Variants in G0S2 observed in about 807,000 individuals in gnomAD.
G0S2 encodes G0/G1 switch protein 2.
For missense variants in G0S2, 139 were observed against 139.1 expected, an observed-to-expected ratio of 1.00 and a Z score of 0.00; for synonymous variants, 64 against 66.0, an observed-to-expected ratio of 0.97 and a Z score of 0.15.
rs1464048147 is a variant in G0S2 at position 209,676,040 on chromosome 1, A to G, written c.*44A>G. The G allele has an allele frequency of 7.2e-7, 1 of 1,390,684 alleles. No homozygotes were observed. The allele number at this position is 1,390,684 out of a possible 1,614,324, so 86.1% of individuals were successfully genotyped here. On this transcript the variant is annotated 3_prime_UTR_variant, in exon 2 of 2. Transcript: ENST00000367029. ...GGAGTGGGAGGGAGACGCAGTAGAC[A>G]GAGACAGACCGAGAGAGGAATGGAG...
Position 209,675,813 on chromosome 1 carries a change from G to A in G0S2, c.129G>A (p.Met43Ile). ...TCTTCGGCGTGGTGCTCGGCCTGAT[G>A]GAGACTGTGTGCAGCCCCTTCACGG... ...LALFGVVLGLMETVCSPFTAA... is the reference protein window; with the variant it reads ...LALFGVVLGLIETVCSPFTAA... The change falls in exon 2 of 2, where the codon ATG becomes ATA. Residue 43 changes from methionine to isoleucine, a missense_variant. Transcript: ENST00000367029. The surrounding 1 kb of genome is among the most constrained non-coding windows in gnomAD (Gnocchi z 5.4). 1 of 1,602,186 alleles carries A rather than the reference G, an allele frequency of 6.2e-7. No individual in the cohort carries two copies. Among genetic ancestry groups the A allele is most frequent in the Non-Finnish European group, 8.5e-7 (1 of 1,174,556 alleles).
Position 209,676,077 on chromosome 1 carries a change from GC to G in G0S2, c.*82del. 1.8e-6 allele frequency: 2 copies of G among 1,127,274 alleles called. No individual in the cohort carries two copies. Among genetic ancestry groups the G allele is most frequent in the Admixed American group, 5.7e-5 (2 of 35,168 alleles). The allele number at this position is 1,127,274 out of a possible 1,614,324, so 69.8% of individuals were successfully genotyped here. A position where few individuals can be genotyped will look rare whatever the true frequency, so the allele number is the denominator to read the frequency against. On this transcript the variant is annotated 3_prime_UTR_variant, in exon 2 of 2. Transcript: ENST00000367029. Reference sequence around the variant, plus strand: ...AGAGAGGAATGGAGAGACAGAGGGGGCGCGCGCACAGGAGCCTGACTCCGCT... The same window carrying G: ...AGAGAGGAATGGAGAGACAGAGGGGGGCGCGCACAGGAGCCTGACTCCGCT...
chr1:209,675,793 G>T lies in G0S2; in HGVS notation c.109G>T (p.Gly37Cys), dbSNP rs745397091. 3.7e-6 allele frequency: 6 copies of T among 1,602,408 alleles called. No homozygotes were observed. In the South Asian group the frequency reaches 5.6e-5, roughly 15 times the overall value. Residue 37 changes from glycine to cysteine, a missense_variant, in exon 2 of 2, where the codon GGC (glycine) becomes TGC (cysteine). Coordinates refer to ENST00000367029, the MANE Select transcript of G0S2 (RefSeq NM_015714.4). This position sits in a 1 kb window ranked among gnomAD's most constrained non-coding sequence, Gnocchi z 5.4. Reference protein sequence around the residue: ...YVLGSVLALFGVVLGLMETVC... With the variant: ...YVLGSVLALFCVVLGLMETVC... ...GCTGGGCAGCGTGCTGGCCCTCTTC[G>T]GCGTGGTGCTCGGCCTGATGGAGAC...
rs1008779613 is a variant in G0S2, at chr1:209,675,502, C to T, written c.-80C>T. 24 of 588,564 alleles carry T rather than the reference C, an allele frequency of 4.1e-5. No individual in the cohort carries two copies. In the East Asian group the frequency reaches 6.0e-4, roughly 15 times the overall value. 36.5% of individuals were successfully genotyped at this position (588,564 alleles called of 1,614,324 possible). Reference sequence around the variant, plus strand: ...GTCGGACCAACGGACGCGCTGACCGCTGCCAACTGCAGCTCGCGCTGCCTC... The same window carrying T: ...GTCGGACCAACGGACGCGCTGACCGTTGCCAACTGCAGCTCGCGCTGCCTC... On this transcript the variant is annotated 5_prime_UTR_variant, in exon 1 of 2. Coordinates refer to ENST00000367029, the MANE Select transcript of G0S2 (RefSeq NM_015714.4). This position sits in a 1 kb window ranked among gnomAD's most constrained non-coding sequence, Gnocchi z 5.4.
Position 209,675,530 on chromosome 1 carries a change from G to A in G0S2, c.-52G>A, listed in dbSNP as rs1322840941. 8.2e-6 allele frequency: 5 copies of A among 610,812 alleles called. No individual in the cohort carries two copies. Among genetic ancestry groups the A allele is most frequent in the Non-Finnish European group, 1.5e-5 (5 of 343,216 alleles). The allele number at this position is 610,812 out of a possible 1,614,324, so 37.8% of individuals were successfully genotyped here. On this transcript the variant is annotated 5_prime_UTR_variant, in exon 1 of 2. Coordinates refer to ENST00000367029, the MANE Select transcript of G0S2 (RefSeq NM_015714.4). This position sits in a 1 kb window ranked among gnomAD's most constrained non-coding sequence, Gnocchi z 5.4. ...CCAACTGCAGCTCGCGCTGCCTCCT[G>A]CTCGCGCCGTGCCACTAAGGTAGTC...
In G0S2 at chr1:209,675,617, G is replaced by A; in HGVS notation, c.-32-36G>A. 1 of 1,073,010 alleles carries A rather than the reference G, an allele frequency of 9.3e-7. No homozygotes were observed. The highest frequency in any genetic ancestry group is 1.4e-6 in the Non-Finnish European group (1 of 720,878). The allele number at this position is 1,073,010 out of a possible 1,614,324, so 66.5% of individuals were successfully genotyped here. ...GCGGGGTGGTGGGAGCCGTTCTTTG[G>A]TGGCTGAAGCCCCTCTCCTGCTGCT... On this transcript the variant is annotated intron_variant, in intron 1 of 1. Coordinates refer to ENST00000367029, the MANE Select transcript of G0S2 (RefSeq NM_015714.4). This position sits in a 1 kb window ranked among gnomAD's most constrained non-coding sequence, Gnocchi z 5.4.
chr1:209,675,554 T>C lies in G0S2; in HGVS notation c.-33+5T>C, dbSNP rs914035849. The stretch of plus-strand genomic sequence containing the variant: ...TGCTCGCGCCGTGCCACTAAGGTAG[T>C]CCGCCTTTCTATGAGCCCTCCCCAA... On this transcript the variant is annotated splice_donor_5th_base_variant and intron_variant, in intron 1 of 1. Transcript: ENST00000367029. This position sits in a 1 kb window ranked among gnomAD's most constrained non-coding sequence, Gnocchi z 5.4. 1.8e-5 allele frequency: 12 copies of C among 660,992 alleles called. No homozygotes were observed. The highest frequency in any genetic ancestry group is 3.2e-5 in the Non-Finnish European group (12 of 379,196). The allele number at this position is 660,992 out of a possible 1,614,324, so 40.9% of individuals were successfully genotyped here.
Position 209,675,815 on chromosome 1 carries a change from A to T in G0S2, c.131A>T (p.Glu44Val). ...TTCGGCGTGGTGCTCGGCCTGATGGAGACTGTGTGCAGCCCCTTCACGGCC... is the reference window on the plus strand; with the variant it reads ...TTCGGCGTGGTGCTCGGCCTGATGGTGACTGTGTGCAGCCCCTTCACGGCC... The part of the protein sequence containing the change: ...ALFGVVLGLM[E>V]TVCSPFTAAR... Residue 44 changes from glutamate to valine, a missense_variant, in exon 2 of 2, where the codon GAG (glutamate) becomes GTG (valine). Physicochemically the swap from Glu to Val is moderately radical, Grantham distance 121. Transcript: ENST00000367029. The surrounding 1 kb of genome is among the most constrained non-coding windows in gnomAD (Gnocchi z 5.4). 1 of 1,601,940 alleles carries T rather than the reference A, an allele frequency of 6.2e-7. No individual in the cohort carries two copies. The highest frequency in any genetic ancestry group is 1.1e-5 in the South Asian group (1 of 89,200).
At position 209,675,576 on chromosome 1, in the gene G0S2, C is replaced by A; in HGVS notation, c.-33+27C>A. ...TAGTCCGCCTTTCTATGAGCCCTCC[C>A]CAAGATTAGCTGGGTGCGGGGTGGT... On this transcript the variant is annotated intron_variant, in intron 1 of 1. Transcript: ENST00000367029. The surrounding 1 kb of genome is among the most constrained non-coding windows in gnomAD (Gnocchi z 5.4). 1 of 740,112 alleles carries A rather than the reference C, an allele frequency of 1.4e-6. No individual in the cohort carries two copies. Among genetic ancestry groups the A allele is most frequent in the Non-Finnish European group, 2.3e-6 (1 of 442,456 alleles). 45.8% of individuals were successfully genotyped at this position (740,112 alleles called of 1,614,324 possible). A position where few individuals can be genotyped will look rare whatever the true frequency, so the allele number is the denominator to read the frequency against.
rs1026309743 is a variant in G0S2, at chr1:209,675,616, G to A, written c.-32-37G>A. On this transcript the variant is annotated intron_variant, in intron 1 of 1. Coordinates refer to ENST00000367029, the MANE Select transcript of G0S2 (RefSeq NM_015714.4). The surrounding 1 kb of genome is among the most constrained non-coding windows in gnomAD (Gnocchi z 5.4). ...TGCGGGGTGGTGGGAGCCGTTCTTT[G>A]GTGGCTGAAGCCCCTCTCCTGCTGC... is the stretch of plus-strand genomic sequence containing the variant. 5 of 1,046,942 alleles carry A rather than the reference G, an allele frequency of 4.8e-6. No homozygotes were observed. The highest frequency in any genetic ancestry group is 7.2e-6 in the Non-Finnish European group (5 of 697,490). The allele number at this position is 1,046,942 out of a possible 1,614,324, so 64.9% of individuals were successfully genotyped here. A position where few individuals can be genotyped will look rare whatever the true frequency, so the allele number is the denominator to read the frequency against.
Position 209,675,714 on chromosome 1 carries a change from G to C in G0S2, c.30G>C (p.Leu10=). Residue 10 remains leucine, a synonymous_variant, in exon 2 of 2, where the codon CTG becomes CTC. Coordinates refer to ENST00000367029, the MANE Select transcript of G0S2 (RefSeq NM_015714.4). This position sits in a 1 kb window ranked among gnomAD's most constrained non-coding sequence, Gnocchi z 5.4. The stretch of plus-strand genomic sequence containing the variant: ...AAACGGTCCAGGAGCTGATCCCCCT[G>C]GCCAAGGAGATGATGGCCCAGAAGC... The part of the protein sequence containing the change: METVQELIP[L]AKEMMAQKRK... 6.2e-7 allele frequency: 1 copy of C among 1,600,328 alleles called. No homozygotes were observed. Among genetic ancestry groups the C allele is most frequent in the Non-Finnish European group, 8.5e-7 (1 of 1,172,844 alleles).
At position 209,675,784 on chromosome 1, in the gene G0S2, G is replaced by A. The variant is rs900396776; in HGVS notation, c.100G>A (p.Ala34Thr). The stretch of plus-strand genomic sequence containing the variant: ...GCTGTACGTGCTGGGCAGCGTGCTG[G>A]CCCTCTTCGGCGTGGTGCTCGGCCT... ...VKLYVLGSVL[A>T]LFGVVLGLME... The change falls in exon 2 of 2, where the codon GCC becomes ACC. Residue 34 changes from alanine (A) to threonine (T), a missense_variant. Physicochemically the swap from Ala to Thr is moderately conservative, Grantham distance 58. Transcript: ENST00000367029. This position sits in a 1 kb window ranked among gnomAD's most constrained non-coding sequence, Gnocchi z 5.4. 2 of 1,602,380 alleles carry A rather than the reference G, an allele frequency of 1.2e-6. No homozygotes were observed. The highest frequency in any genetic ancestry group is 1.7e-5 in the Admixed American group (1 of 58,136).
Position 209,676,194 on chromosome 1 carries a change from C to A in G0S2, c.*198C>A. On this transcript the variant is annotated 3_prime_UTR_variant, in exon 2 of 2. Transcript: ENST00000367029. Reference sequence around the variant, plus strand: ...AGAACTGACCTACCACAAGCATCCACCAAAGGAGTTTGGGATTGAGTTTTG... The same window carrying A: ...AGAACTGACCTACCACAAGCATCCAACAAAGGAGTTTGGGATTGAGTTTTG... 1 of 515,396 alleles carries A rather than the reference C, an allele frequency of 1.9e-6. No homozygotes were observed. The highest frequency in any genetic ancestry group is 3.5e-6 in the Non-Finnish European group (1 of 285,120). The allele number at this position is 515,396 out of a possible 1,614,324, so 31.9% of individuals were successfully genotyped here. A position where few individuals can be genotyped will look rare whatever the true frequency, so the allele number is the denominator to read the frequency against.
Position 209,676,194 on chromosome 1 carries a change from C to T in G0S2, c.*198C>T, listed in dbSNP as rs1305472506. 3.9e-6 allele frequency: 2 copies of T among 515,278 alleles called. No individual in the cohort carries two copies. Among genetic ancestry groups the T allele is most frequent in the Non-Finnish European group, 7.0e-6 (2 of 285,128 alleles). 31.9% of individuals were successfully genotyped at this position (515,278 alleles called of 1,614,324 possible). A position where few individuals can be genotyped will look rare whatever the true frequency, so the allele number is the denominator to read the frequency against. The stretch of plus-strand genomic sequence containing the variant: ...AGAACTGACCTACCACAAGCATCCA[C>T]CAAAGGAGTTTGGGATTGAGTTTTG... On this transcript the variant is annotated 3_prime_UTR_variant, in exon 2 of 2. Coordinates refer to ENST00000367029, the MANE Select transcript of G0S2 (RefSeq NM_015714.4).
Position 209,676,158 on chromosome 1 carries a change from C to A in G0S2, c.*162C>A. ...TATTTGGACTTAACTTCAGAGAAACCGCTGACATCTAGAACTGACCTACCA... is the reference window on the plus strand; with the variant it reads ...TATTTGGACTTAACTTCAGAGAAACAGCTGACATCTAGAACTGACCTACCA... On this transcript the variant is annotated 3_prime_UTR_variant, in exon 2 of 2. Coordinates refer to ENST00000367029, the MANE Select transcript of G0S2 (RefSeq NM_015714.4). 1.7e-6 allele frequency: 1 copy of A among 588,818 alleles called. No homozygotes were observed. The highest frequency in any genetic ancestry group is 3.0e-6 in the Non-Finnish European group (1 of 332,702). The allele number at this position is 588,818 out of a possible 1,614,324, so 36.5% of individuals were successfully genotyped here. A position where few individuals can be genotyped will look rare whatever the true frequency, so the allele number is the denominator to read the frequency against.
rs1571855394 is a variant in G0S2 at position 209,675,500 on chromosome 1, C to T, written c.-82C>T. ...CGGTCGGACCAACGGACGCGCTGACCGCTGCCAACTGCAGCTCGCGCTGCC... is the reference window on the plus strand; with the variant it reads ...CGGTCGGACCAACGGACGCGCTGACTGCTGCCAACTGCAGCTCGCGCTGCC... On this transcript the variant is annotated 5_prime_UTR_variant, in exon 1 of 2. Transcript: ENST00000367029. The surrounding 1 kb of genome is among the most constrained non-coding windows in gnomAD (Gnocchi z 5.4). The T allele has an allele frequency of 1.4e-5, 8 of 587,056 alleles. No individual in the cohort carries two copies. The highest frequency in any genetic ancestry group is 6.3e-5 in the Admixed American group (2 of 31,590). 36.4% of individuals were successfully genotyped at this position (587,056 alleles called of 1,614,324 possible).
chr1:209,676,014 C>A lies in G0S2; in HGVS notation c.*18C>A, dbSNP rs1442442168. The A allele has an allele frequency of 6.6e-7, 1 of 1,507,584 alleles. No homozygotes were observed. The allele number at this position is 1,507,584 out of a possible 1,614,324, so 93.4% of individuals were successfully genotyped here. The stretch of plus-strand genomic sequence containing the variant: ...CCTCCTAGGAACTGTGGGAGACCAG[C>A]GGAGTGGGAGGGAGACGCAGTAGAC... On this transcript the variant is annotated 3_prime_UTR_variant, in exon 2 of 2. Transcript: ENST00000367029.
chr1:209,676,059 A>G lies in G0S2; in HGVS notation c.*63A>G. Reference sequence around the variant, plus strand: ...GTAGACAGAGACAGACCGAGAGAGGAATGGAGAGACAGAGGGGGCGCGCGC... The same window carrying G: ...GTAGACAGAGACAGACCGAGAGAGGGATGGAGAGACAGAGGGGGCGCGCGC... On this transcript the variant is annotated 3_prime_UTR_variant, in exon 2 of 2. Transcript: ENST00000367029. The G allele has an allele frequency of 7.6e-7, 1 of 1,316,028 alleles. No homozygotes were observed. The highest frequency in any genetic ancestry group is 1.0e-6 in the Non-Finnish European group (1 of 963,768). The allele number at this position is 1,316,028 out of a possible 1,614,324, so 81.5% of individuals were successfully genotyped here. A position where few individuals can be genotyped will look rare whatever the true frequency, so the allele number is the denominator to read the frequency against.
chr1:209,675,950 C>G lies in G0S2; in HGVS notation c.266C>G (p.Thr89Arg), dbSNP rs140536045. ...ALQEKGKQQD[T>R]VLGGRALSNR... ...CAGGAGAAAGGCAAGCAGCAGGACACGGTCCTCGGCGGCCGGGCCCTGTCC... is the reference window on the plus strand; with the variant it reads ...CAGGAGAAAGGCAAGCAGCAGGACAGGGTCCTCGGCGGCCGGGCCCTGTCC... Residue 89 changes from threonine (T) to arginine (R), a missense_variant, in exon 2 of 2, where the codon ACG becomes AGG. By Grantham distance (71) the Thr-to-Arg change is moderately conservative. Transcript: ENST00000367029. The surrounding 1 kb of genome is among the most constrained non-coding windows in gnomAD (Gnocchi z 5.4). 9 of 1,566,890 alleles carry G rather than the reference C, an allele frequency of 5.7e-6. No individual in the cohort carries two copies. The highest frequency in any genetic ancestry group is 1.4e-5 in the African/African-American group (1 of 73,802).
Sources: allele counts gnomAD v4.1 joint callset, GRCh38; gene constraint gnomAD v4.1.1; non-coding constraint Gnocchi (gnomAD v3.1); transcripts MANE v1.5; gene names NCBI Gene and HGNC (gene_info 2026-07-23, HGNC 2026-07-21).